Variants in MSRA observed in about 807,000 individuals in gnomAD.
The protein encoded by MSRA is mitochondrial peptide methionine sulfoxide reductase.
In MSRA, 54 loss-of-function variants were observed where a neutral mutation model predicts 31.3. The ratio of observed to expected loss-of-function variants is 1.73; its 90% CI spans 1.39 to 2.17. MSRA has a LOEUF of 2.17. Among genes scored for constraint, MSRA ranks in the 30% most tolerant of loss-of-function variants. MSRA has a pLI of 0.00. For missense variants in MSRA, 507 were observed against 300.9 expected, an observed-to-expected ratio of 1.69 and a Z score of -5.07; for synonymous variants, 169 against 116.5, an observed-to-expected ratio of 1.45 and a Z score of -2.90.
chr8:10,195,677 A>G (rs539793473), intron 1 of MSRA, among the ~76,000 whole-genome samples: 4 of 152,210 alleles, frequency 2.6e-5, no homozygotes, highest in African/African-American at 9.7e-5. Context: ...AGCAAAACTG[A>G]TATCTATGTT....
chr8:10,260,679 C>A (rs1798432019), intron 3 of MSRA, among the ~76,000 whole-genome samples: 1 of 152,030 alleles, frequency 6.6e-6, no homozygotes, highest in Non-Finnish European at 1.5e-5. Flanking sequence ...GGGAAATGAA[C>A]AGCAGTTTGC....
intron 1 of MSRA, among the ~76,000 whole-genome samples, chr8:10,124,127 G>A (rs17155393): frequency 0.27 from 40,685 of 151,986 alleles, 5,986 homozygotes; most frequent in East Asian, 0.55. Flanking sequence ...CACTGGATCA[G>A]AAGACATCTA....
rs1261637226 is a variant in MSRA at position 10,225,361 on chromosome 8, T to C, written c.211+17460T>C. On this transcript the variant is annotated intron_variant, in intron 2 of 5. Transcript: ENST00000317173. ...ATCGCCTTGCATTATGATTAGAGATTGAATGGATTACCCATCTCTGCCTGT... is the reference window on the plus strand; with the variant it reads ...ATCGCCTTGCATTATGATTAGAGATCGAATGGATTACCCATCTCTGCCTGT... 2.0e-5 allele frequency among the ~76,000 whole-genome samples: 3 copies of C among 152,216 alleles called. No individual in the cohort carries two copies. In the South Asian group the frequency reaches 6.2e-4, roughly 32 times the overall value.
intron 1 of MSRA, among the ~76,000 whole-genome samples, chr8:10,117,467 G>T (rs1252960211): frequency 2.6e-5 from 4 of 152,226 alleles, no homozygotes; most frequent in African/African-American, 9.6e-5. Flanking sequence ...CCCCATGGAA[G>T]TGTGAACTTG....
chr8:10,245,798 C>T (rs1330071139), intron 3 of MSRA, among the ~76,000 whole-genome samples: 1 of 152,238 alleles, frequency 6.6e-6, no homozygotes, highest in Non-Finnish European at 1.5e-5. Context: ...GTGTTACGTT[C>T]ACTTTTATAC....
chr8:10,394,619 G>T (rs979996016), intron 5 of MSRA, among the ~76,000 whole-genome samples: 1 of 152,206 alleles, frequency 6.6e-6, no homozygotes, highest in Admixed American at 6.5e-5. Flanking sequence ...GAACAGCTGT[G>T]GAACTTACCT....
At chr8:10,326,939 C>A (rs1802396288) in intron 5 of MSRA, among the ~76,000 whole-genome samples, 1 of 152,162 alleles carries the variant, frequency 6.6e-6, no homozygotes, top group South Asian at 2.1e-4. Context: ...GGAATTAAAT[C>A]TTTTCCCACT....
intron 5 of MSRA, among the ~76,000 whole-genome samples, chr8:10,322,560 C>G (rs1380095185): frequency 5.9e-5 from 9 of 152,216 alleles, no homozygotes; most frequent in African/African-American, 2.2e-4. Flanking sequence ...AGTGCAGAGT[C>G]TAAGGTGCCC....
At chr8:10,190,934 G>T (rs765017172) in intron 1 of MSRA, among the ~76,000 whole-genome samples, 1 of 152,154 alleles carries the variant, frequency 6.6e-6, no homozygotes. Context: ...ACTAAGTTCA[G>T]GAGTCAGTAA....
At chr8:10,405,794 CAT>C (rs1807773278) in intron 5 of MSRA, among the ~76,000 whole-genome samples, 1 of 151,728 alleles carries the variant, frequency 6.6e-6, no homozygotes, top group African/African-American at 2.4e-5. Flanking sequence ...CATGTAATCA[CAT>C]ACACACATGC....
In MSRA at chr8:10,281,905, G is replaced by C. The variant is rs144209159; in HGVS notation, c.332-19629G>C. On this transcript the variant is annotated intron_variant, in intron 3 of 5. Coordinates refer to ENST00000317173, the MANE Select transcript of MSRA (RefSeq NM_012331.5). ...CGTTTCTAATTATATTTTTTTCCCT[G>C]CTTTTTAGATAAAGGGACAAAGAAA... Among the ~76,000 whole-genome samples the C allele has an allele frequency of 1.2e-4, 18 of 152,198 alleles. No individual in the cohort carries two copies. The East Asian group carries it at 2.3e-3, about 20-fold the overall frequency.
intron 1 of MSRA, among the ~76,000 whole-genome samples, chr8:10,168,937 CATGAT>C (rs1176887663): frequency 6.6e-6 from 1 of 151,926 alleles, no homozygotes; most frequent in Non-Finnish European, 1.5e-5. Flanking sequence ...TGTAGATACT[CATGAT>C]ATAAAGATTG....
chr8:10,260,696 G>T (rs944793736), intron 3 of MSRA, among the ~76,000 whole-genome samples: 1 of 152,008 alleles, frequency 6.6e-6, no homozygotes, highest in East Asian at 1.9e-4. Context: ...TTGCATTGGT[G>T]GGGGGGAATA....
At position 10,319,996 on chromosome 8, in the gene MSRA, A is replaced by G. The variant is rs1801957057; in HGVS notation, c.543+7A>G. 8 of 1,588,810 alleles carry G rather than the reference A, an allele frequency of 5.0e-6. No homozygotes were observed. The highest frequency in any genetic ancestry group is 3.5e-5 in the Admixed American group (2 of 57,596). The stretch of plus-strand genomic sequence containing the variant: ...CAAAGAGAACTACCAAAAGGTAGGG[A>G]TTGCTGGGCTCCTAGCCCCTGGCTT... On this transcript the variant is annotated splice_region_variant and intron_variant, in intron 5 of 5. Coordinates refer to ENST00000317173, the MANE Select transcript of MSRA (RefSeq NM_012331.5).
intron 1 of MSRA, among the ~76,000 whole-genome samples, chr8:10,164,621 C>T (rs922168847): frequency 6.6e-6 from 1 of 152,142 alleles, no homozygotes; most frequent in Non-Finnish European, 1.5e-5. Context: ...ACTTTTTATG[C>T]TTATTGTTAA....
intron 5 of MSRA, among the ~76,000 whole-genome samples, chr8:10,392,775 G>A (rs1471650704): frequency 6.6e-6 from 1 of 151,110 alleles, no homozygotes; most frequent in African/African-American, 2.4e-5. Context: ...AGCCAGGCGT[G>A]GTGGCTCACG....
chr8:10,374,261 G>T (rs775255852), intron 5 of MSRA, among the ~76,000 whole-genome samples: 2 of 152,196 alleles, frequency 1.3e-5, no homozygotes, highest in Non-Finnish European at 1.5e-5. Flanking sequence ...TATGGACAGA[G>T]ATATTAGAGG....
chr8:10,166,043 G>C (rs554790413), intron 1 of MSRA, among the ~76,000 whole-genome samples: 29 of 152,244 alleles, frequency 1.9e-4, no homozygotes, highest in African/African-American at 6.5e-4. Flanking sequence ...GACCGTGTGG[G>C]CACAGGATGG....
intron 2 of MSRA, among the ~76,000 whole-genome samples, chr8:10,226,011 C>T (rs1001348025): frequency 6.6e-6 from 1 of 152,166 alleles, no homozygotes; most frequent in Non-Finnish European, 1.5e-5. Context: ...TGCACAGTAA[C>T]TTGGGGAAGA....
Sources: allele counts gnomAD v4.1 joint callset (sites outside exome capture counted in the v4.1 genomes callset), GRCh38; gene constraint gnomAD v4.1.1; transcripts MANE v1.5; gene names NCBI Gene and HGNC (gene_info 2026-07-23, HGNC 2026-07-21).